GSN: variants seen among roughly 807,000 people sequenced by gnomAD.
GSN encodes actin-depolymerizing factor.
Under a neutral mutation model 85.7 loss-of-function variants are expected in GSN, and 56 were observed. That is an observed-to-expected ratio of 0.65 (90% CI 0.53 to 0.82). GSN has a LOEUF of 0.82. Ranked by LOEUF, GSN falls within the 40% of genes least tolerant of loss-of-function variation. The pLI, the probability that GSN is intolerant of heterozygous loss-of-function variation, is 0.00. For missense variants in GSN, 857 were observed against 979.8 expected (o/e 0.87, Z 1.67); for synonymous variants, 373 against 399.1 (o/e 0.93, Z 0.78).
intron 6 of GSN, among the ~76,000 whole-genome samples, chr9:121,248,758 A>G (rs568000549): frequency 6.6e-6 from 1 of 152,186 alleles, no homozygotes; most frequent in East Asian, 1.9e-4. Context: ...CAAATGCCTT[A>G]GAAGACACAC....
At chr9:121,312,785 G>A in intron 6 of GSN, 1 of 210,486 alleles carries the variant, frequency 4.8e-6, no homozygotes, top group Non-Finnish European at 9.5e-6. Context: ...GTGCTACCAA[G>A]CCAGGCTAAC....
chr9:121,290,836 A>G (rs1213525414), intron 2 of GSN, among the ~76,000 whole-genome samples: 1 of 152,026 alleles, frequency 6.6e-6, no homozygotes, highest in African/African-American at 2.4e-5. Flanking sequence ...TTAAATTTTT[A>G]TTTTTGTTAT....
chr9:121,304,142 A>G (rs919214742), intron 4 of GSN, among the ~76,000 whole-genome samples: 1 of 152,234 alleles, frequency 6.6e-6, no homozygotes, highest in African/African-American at 2.4e-5. Flanking sequence ...CCTCAGGATC[A>G]TCTATGTCAA....
chr9:121,308,260 A>G (rs149773743), intron 4 of GSN: 1 of 152,444 alleles, frequency 6.6e-6, no homozygotes, highest in Non-Finnish European at 1.5e-5. Flanking sequence ...GCTGAGACCA[A>G]GAAGGGACAC....
chr9:121,250,838 A>T (rs1027195186), intron 6 of GSN, among the ~76,000 whole-genome samples: 1 of 138,848 alleles, frequency 7.2e-6, no homozygotes, highest in African/African-American at 2.7e-5. Flanking sequence ...TGCCCCTCCA[A>T]TCCTTCCCTT....
intron 5 of GSN, among the ~76,000 whole-genome samples, chr9:121,232,584 G>A (rs934191901): frequency 6.6e-6 from 1 of 152,054 alleles, no homozygotes; most frequent in African/African-American, 2.4e-5. Flanking sequence ...GTAACATGAG[G>A]ACTACCCATT....
chr9:121,318,605 C>A lies in GSN; in HGVS notation c.976-60C>A, dbSNP rs2061993317. Reference sequence around the variant, plus strand: ...AGTGTGGATGGGGTATCTGAGGCTCCCCTGGGGACCCCTGCTGGGCAGCCC... The same window carrying A: ...AGTGTGGATGGGGTATCTGAGGCTCACCTGGGGACCCCTGCTGGGCAGCCC... On this transcript the variant is annotated intron_variant, in intron 9 of 17. Transcript: ENST00000432226. This position sits in a 1 kb window ranked among gnomAD's most constrained non-coding sequence, Gnocchi z 4.3. 1 of 1,487,766 alleles carries A rather than the reference C, an allele frequency of 6.7e-7. No individual in the cohort carries two copies. Among genetic ancestry groups the A allele is most frequent in the African/African-American group, 1.4e-5 (1 of 72,416 alleles). 92.2% of individuals were successfully genotyped at this position (1,487,766 alleles called of 1,614,324 possible).
At chr9:121,324,783 A>ATCCC in intron 12 of GSN, 139 bp downstream of exon 12, 1 of 678,064 alleles carries the variant, frequency 1.5e-6, no homozygotes, top group Non-Finnish European at 2.7e-6. Context: ...CCATCCATCC[A>ATCCC]TCCATCCATC....
chr9:121,265,120 T>C (rs1473673566), upstream of GSN: 3 of 152,232 alleles, frequency 2.0e-5, no homozygotes, highest in South Asian at 2.1e-4. Flanking sequence ...AGTAATCCCT[T>C]GTATGAAATC....
chr9:121,224,962 A>C (rs1245520166), intron 4 of GSN, among the ~76,000 whole-genome samples: 2 of 151,994 alleles, frequency 1.3e-5, no homozygotes, highest in African/African-American at 4.8e-5. Context: ...GGGACCACAG[A>C]CGCATGCCAC....
At position 121,299,032 on chromosome 9, in the gene GSN, C is replaced by A. The variant is rs557090631; in HGVS notation, c.-9-2931C>A. 6.6e-6 allele frequency among the ~76,000 whole-genome samples: 1 copy of A among 152,188 alleles called. No individual in the cohort carries two copies. Among genetic ancestry groups the A allele is most frequent in the South Asian group, 2.1e-4 (1 of 4,830 alleles). ...AACAAGGGCTTGCTTAGAGACATGA[C>A]GGTAAACCCTGAACCATCAGCTAAA... is the stretch of plus-strand genomic sequence containing the variant. On this transcript the variant is annotated intron_variant, in intron 2 of 17. Coordinates refer to ENST00000432226, the MANE Select transcript of GSN (RefSeq NM_198252.3). This position sits in a 1 kb window ranked among gnomAD's most constrained non-coding sequence, Gnocchi z 4.2.
chr9:121,221,175 A>G (rs573640634), intron 4 of GSN, among the ~76,000 whole-genome samples: 23 of 152,196 alleles, frequency 1.5e-4, no homozygotes, highest in African/African-American at 5.5e-4. Context: ...CACAAACTCA[A>G]CCTTTCCATG....
At chr9:121,309,513 G>A (rs1489718902) in intron 4 of GSN, 2 of 152,264 alleles carry the variant, frequency 1.3e-5, no homozygotes, top group East Asian at 3.9e-4. Flanking sequence ...ACTGCTGGGT[G>A]GGAGTTGCTG....
chr9:121,287,323 G>A (rs2058232984), intron 2 of GSN, among the ~76,000 whole-genome samples: 1 of 152,168 alleles, frequency 6.6e-6, no homozygotes, highest in Non-Finnish European at 1.5e-5. Context: ...CTCTCCCACT[G>A]TTTGATCAAC....
chr9:121,322,046 A>G (rs1473326848), intron 11 of GSN, among the ~76,000 whole-genome samples: 4 of 152,126 alleles, frequency 2.6e-5, no homozygotes. Flanking sequence ...CCCAGCCCCA[A>G]AATTATTTTA....
At chr9:121,312,595 G>T (rs765306137) in intron 6 of GSN, 107 bp downstream of exon 6, 2 of 818,724 alleles carry the variant, frequency 2.4e-6, no homozygotes, top group Non-Finnish European at 3.7e-6. Flanking sequence ...AAAAACTTCC[G>T]CTCTACCCCA....
intron 5 of GSN, among the ~76,000 whole-genome samples, chr9:121,238,346 G>C (rs980877788): frequency 6.6e-6 from 1 of 152,174 alleles, no homozygotes; most frequent in Admixed American, 6.5e-5. Flanking sequence ...AGCAGGCAGA[G>C]GAATGTAGAA....
chr9:121,229,976 T>C (rs1008075431), intron 4 of GSN, among the ~76,000 whole-genome samples: 14 of 152,378 alleles, frequency 9.2e-5, no homozygotes, highest in African/African-American at 3.1e-4. Context: ...TCATGGACTG[T>C]ATAAATTCAA....
At chr9:121,274,427 T>C (rs916816109) in intron 1 of GSN, among the ~76,000 whole-genome samples, 1 of 152,240 alleles carries the variant, frequency 6.6e-6, no homozygotes, top group African/African-American at 2.4e-5. Context: ...TTTTGTGTGT[T>C]CTTCTTTTAT....
Sources: allele counts gnomAD v4.1 joint callset (sites outside exome capture counted in the v4.1 genomes callset), GRCh38; gene constraint gnomAD v4.1.1; non-coding constraint Gnocchi (gnomAD v3.1); transcripts MANE v1.5; gene names NCBI Gene and HGNC (gene_info 2026-07-23, HGNC 2026-07-21).